Variants in FZD1 observed in about 807,000 individuals in gnomAD.
FZD1 encodes frizzled-1.
Under a neutral mutation model 48.0 loss-of-function variants are expected in FZD1, and 22 were observed. The ratio of observed to expected loss-of-function variants is 0.46; its 90% CI spans 0.33 to 0.65. The LOEUF (loss-of-function observed/expected upper bound fraction) is 0.65, where lower values mean the gene tolerates loss of function less well. FZD1 is among the 30% of genes least tolerant of loss of function. FZD1 has a pLI of 0.02. For synonymous variants in FZD1, 486 were observed against 409.6 expected, an observed-to-expected ratio of 1.19 and a Z score of -2.25; for missense variants, 843 against 898.1, an observed-to-expected ratio of 0.94 and a Z score of 0.78.
In FZD1 at chr7:91,265,144, A is replaced by ACCG. The variant is rs71292991; in HGVS notation, c.276_278dup (p.Pro93dup). On this transcript the variant is annotated inframe_insertion, in exon 1 of 1. Transcript: ENST00000287934. This position sits in a 1 kb window ranked among gnomAD's most constrained non-coding sequence, Gnocchi z 6.9. ...GCCAGGGGCCCGGGCCGGGGCAGCA[A>ACCG]CCGCCGCCGCCGCCTCAGCAGCAAC... is the stretch of plus-strand genomic sequence containing the variant. 0.4 allele frequency: 632,780 copies of ACCG among 1,564,206 alleles called. 125,334 individuals carry two copies. Among genetic ancestry groups the ACCG allele is most frequent in the Non-Finnish European group, 0.42 (482,084 of 1,147,344 alleles).
rs1393609613 is a variant in FZD1 at position 91,265,697 on chromosome 7, A to G, written c.817A>G (p.Lys273Glu). 4.4e-6 allele frequency: 7 copies of G among 1,597,558 alleles called. No individual in the cohort carries two copies. The Middle Eastern group carries it at 5.0e-4, about 113-fold the overall frequency. The change falls in exon 1 of 1, where the codon AAG (lysine) becomes GAG (glutamate). Residue 273 changes from lysine (K) to glutamate (E), a missense_variant. Lys to Glu is a moderately conservative substitution (Grantham distance 56). Transcript: ENST00000287934. The surrounding 1 kb of genome is among the most constrained non-coding windows in gnomAD (Gnocchi z 6.9). ...PGGAGASERGKFSCPRALKVP... is the reference protein window; with the variant it reads ...PGGAGASERGEFSCPRALKVP... ...GGGCGCCGGCGCGTCGGAGCGAGGC[A>G]AGTTCTCCTGCCCGCGCGCCCTCAA...
Position 91,268,554 on chromosome 7 carries a change from CTA to C in FZD1, c.*1732_*1733del, listed in dbSNP as rs1196514413. 2 of 167,000 alleles carry C rather than the reference CTA, an allele frequency of 1.2e-5. No individual in the cohort carries two copies. Among genetic ancestry groups the C allele is most frequent in the East Asian group, 1.9e-4 (1 of 5,188 alleles). 10.3% of individuals were successfully genotyped at this position (167,000 alleles called of 1,614,324 possible). ...GCCGGTACTTAGGACCTAAATTTATCTATGTCTGTCATACGCTAAAATGATAT... is the reference window on the plus strand; with the variant it reads ...GCCGGTACTTAGGACCTAAATTTATCTGTCTGTCATACGCTAAAATGATAT... On this transcript the variant is annotated 3_prime_UTR_variant, in exon 1 of 1. Transcript: ENST00000287934.
At position 91,265,712 on chromosome 7, in the gene FZD1, C is replaced by G. The variant is rs770834506; in HGVS notation, c.832C>G (p.Arg278Gly). 2.5e-6 allele frequency: 4 copies of G among 1,605,532 alleles called. No individual in the cohort carries two copies. ...ASERGKFSCP[R>G]ALKVPSYLNY... ...GGAGCGAGGCAAGTTCTCCTGCCCG[C>G]GCGCCCTCAAGGTGCCCTCCTACCT... is the stretch of plus-strand genomic sequence containing the variant. Residue 278 changes from arginine to glycine, a missense_variant, in exon 1 of 1, where the codon CGC (arginine) becomes GGC (glycine). Around this residue, in one of 2 missense-constraint regions of FZD1, gnomAD observed 490 missense variants for 466.5 expected, o/e 1.05. Transcript: ENST00000287934. The surrounding 1 kb of genome is among the most constrained non-coding windows in gnomAD (Gnocchi z 6.9).
rs1438296492 is a variant in FZD1, at chr7:91,269,019, T to G, written c.*2195T>G. ...CTCTAATTTTAATATTAAAGCTTTCTTTTCTTTCAGGGAATAAATTTACAT... is the reference window on the plus strand; with the variant it reads ...CTCTAATTTTAATATTAAAGCTTTCGTTTCTTTCAGGGAATAAATTTACAT... On this transcript the variant is annotated 3_prime_UTR_variant, in exon 1 of 1. Transcript: ENST00000287934. 1 of 166,448 alleles carries G rather than the reference T, an allele frequency of 6.0e-6. No homozygotes were observed. The highest frequency in any genetic ancestry group is 1.5e-5 in the Non-Finnish European group (1 of 68,098). The allele number at this position is 166,448 out of a possible 1,614,324, so 10.3% of individuals were successfully genotyped here.
rs767058121 is a variant in FZD1, at chr7:91,265,200, G to T, written c.320G>T (p.Gly107Val). 6.2e-7 allele frequency: 1 copy of T among 1,613,516 alleles called. No individual in the cohort carries two copies. Among genetic ancestry groups the T allele is most frequent in the Non-Finnish European group, 8.5e-7 (1 of 1,179,896 alleles). ...QSGQQYNGER[G>V]ISVPDHGYCQ... The stretch of plus-strand genomic sequence containing the variant: ...GGGCAGCAGTACAACGGCGAGCGGG[G>T]CATCTCCGTCCCGGACCACGGCTAT... Residue 107 changes from glycine (G) to valine (V), a missense_variant, in exon 1 of 1, where the codon GGC becomes GTC. By Grantham distance (109) the Gly-to-Val change is moderately radical (BLOSUM62 -3). Transcript: ENST00000287934. The surrounding 1 kb of genome is among the most constrained non-coding windows in gnomAD (Gnocchi z 6.9).
rs568342071 is a variant in FZD1 at position 91,269,561 on chromosome 7, A to C, written c.*2737A>C. On this transcript the variant is annotated 3_prime_UTR_variant, in exon 1 of 1. Coordinates refer to ENST00000287934, the MANE Select transcript of FZD1 (RefSeq NM_003505.2). ...CAAGGGACTAAAATGAAGATCATTG[A>C]TACAATAGAGTTACTTTCCTTGTTA... The C allele has an allele frequency of 3.6e-5, 6 of 167,022 alleles. No individual in the cohort carries two copies. Among genetic ancestry groups the C allele is most frequent in the Non-Finnish European group, 7.3e-5 (5 of 68,076 alleles). The allele number at this position is 167,022 out of a possible 1,614,324, so 10.3% of individuals were successfully genotyped here.
Position 91,264,483 on chromosome 7 carries a change from A to C in FZD1, c.-398A>C. On this transcript the variant is annotated 5_prime_UTR_variant, in exon 1 of 1. Transcript: ENST00000287934. ...AGAGGGAGCGAGTTGAGGGATTGAC[A>C]CAAATGGTCAGGCGGCGGCGGCGGA... 1 of 284,276 alleles carries C rather than the reference A, an allele frequency of 3.5e-6. No individual in the cohort carries two copies. The highest frequency in any genetic ancestry group is 6.5e-6 in the Non-Finnish European group (1 of 152,804). The allele number at this position is 284,276 out of a possible 1,614,324, so 17.6% of individuals were successfully genotyped here. A position where few individuals can be genotyped will look rare whatever the true frequency, so the allele number is the denominator to read the frequency against.
At position 91,266,396 on chromosome 7, in the gene FZD1, C is replaced by G. The variant is rs1470830128; in HGVS notation, c.1516C>G (p.Leu506Val). The stretch of plus-strand genomic sequence containing the variant: ...GTACCTGTTTATCGGCACGTCCTTT[C>G]TGCTGGCCGGCTTTGTGTCGCTCTT... Reference protein sequence around the residue: ...FVYLFIGTSFLLAGFVSLFRI... With the variant: ...FVYLFIGTSFVLAGFVSLFRI... The change falls in exon 1 of 1, where the codon CTG (leucine) becomes GTG (valine). Residue 506 changes from leucine (L) to valine (V), a missense_variant. By Grantham distance (32) the Leu-to-Val change is conservative (BLOSUM62 1). Transcript: ENST00000287934. The surrounding 1 kb of genome is among the most constrained non-coding windows in gnomAD (Gnocchi z 6.8). The G allele has an allele frequency of 6.2e-7, 1 of 1,614,178 alleles. No individual in the cohort carries two copies. Among genetic ancestry groups the G allele is most frequent in the Admixed American group, 1.7e-5 (1 of 60,032 alleles).
Position 91,265,336 on chromosome 7 carries a change from G to A in FZD1, c.456G>A (p.Gln152=), listed in dbSNP as rs1475101096. The A allele has an allele frequency of 2.5e-6, 4 of 1,614,022 alleles. No individual in the cohort carries two copies. In the African/African-American group the frequency reaches 4.0e-5, roughly 16 times the overall value. Residue 152 remains glutamine, a synonymous_variant, in exon 1 of 1, where the codon CAG becomes CAA. Transcript: ENST00000287934. This position sits in a 1 kb window ranked among gnomAD's most constrained non-coding sequence, Gnocchi z 6.9. ...NQEDAGLEVH[Q]FYPLVKVQCS... The stretch of plus-strand genomic sequence containing the variant: ...AGGACGCGGGCCTGGAGGTGCACCA[G>A]TTCTACCCTCTAGTGAAAGTGCAGT...
Position 91,266,898 on chromosome 7 carries a change from G to T in FZD1, c.*74G>T. On this transcript the variant is annotated 3_prime_UTR_variant, in exon 1 of 1. Coordinates refer to ENST00000287934, the MANE Select transcript of FZD1 (RefSeq NM_003505.2). This position sits in a 1 kb window ranked among gnomAD's most constrained non-coding sequence, Gnocchi z 6.8. ...CCCCAAAGCCAGCGCCGTGGAGTTC[G>T]TGCCAATCCTGACATCTCGAGGTTT... is the stretch of plus-strand genomic sequence containing the variant. 2 of 977,988 alleles carry T rather than the reference G, an allele frequency of 2.0e-6. No individual in the cohort carries two copies. Among genetic ancestry groups the T allele is most frequent in the Non-Finnish European group, 3.1e-6 (2 of 643,036 alleles). The allele number at this position is 977,988 out of a possible 1,614,324, so 60.6% of individuals were successfully genotyped here.
chr7:91,266,169 C>A lies in FZD1; in HGVS notation c.1289C>A (p.Ala430Glu), dbSNP rs1269473134. 6.2e-6 allele frequency: 10 copies of A among 1,614,132 alleles called. No individual in the cohort carries two copies. The highest frequency in any genetic ancestry group is 2.2e-5 in the East Asian group (1 of 44,868). The change falls in exon 1 of 1, where the codon GCG becomes GAG. Residue 430 changes from alanine (A) to glutamate (E), a missense_variant. Transcript: ENST00000287934. This position sits in a 1 kb window ranked among gnomAD's most constrained non-coding sequence, Gnocchi z 6.8. ...WVILSLTWFL[A>E]AGMKWGHEAI... ...ATCCTGTCGCTCACCTGGTTCCTGGCGGCTGGCATGAAGTGGGGCCACGAG... is the reference window on the plus strand; with the variant it reads ...ATCCTGTCGCTCACCTGGTTCCTGGAGGCTGGCATGAAGTGGGGCCACGAG...
At position 91,266,638 on chromosome 7, in the gene FZD1, G is replaced by A. The variant is rs751285089; in HGVS notation, c.1758G>A (p.Ala586=). ...CTATCCCCTGCCCTCACCTCCAGGC[G>A]GGCGGAGGCGCCCCGCCGCACCCGC... ...SYAIPCPHLQ[A]GGGAPPHPPM... The change falls in exon 1 of 1, where the codon GCG becomes GCA. Residue 586 remains alanine (A), a synonymous_variant. Coordinates refer to ENST00000287934, the MANE Select transcript of FZD1 (RefSeq NM_003505.2). The surrounding 1 kb of genome is among the most constrained non-coding windows in gnomAD (Gnocchi z 6.8). 1.2e-5 allele frequency: 20 copies of A among 1,612,538 alleles called. No homozygotes were observed. In the South Asian group the frequency reaches 1.8e-4, roughly 14 times the overall value.
At position 91,264,565 on chromosome 7, in the gene FZD1, T is replaced by C. The variant is rs1381274862; in HGVS notation, c.-316T>C. The C allele has an allele frequency of 5.6e-6, 2 of 356,734 alleles. No individual in the cohort carries two copies. Among genetic ancestry groups the C allele is most frequent in the Non-Finnish European group, 1.0e-5 (2 of 198,766 alleles). The allele number at this position is 356,734 out of a possible 1,614,324, so 22.1% of individuals were successfully genotyped here. Reference sequence around the variant, plus strand: ...CCCGCTGGGCTGCGGAGAGTTGCGCTCTCTACGGGGCCGCGGCCACTAGCG... The same window carrying C: ...CCCGCTGGGCTGCGGAGAGTTGCGCCCTCTACGGGGCCGCGGCCACTAGCG... On this transcript the variant is annotated 5_prime_UTR_variant, in exon 1 of 1. Transcript: ENST00000287934.
rs1803834025 is a variant in FZD1, at chr7:91,264,587, A to G, written c.-294A>G. 2.8e-6 allele frequency: 1 copy of G among 362,658 alleles called. No homozygotes were observed. Among genetic ancestry groups the G allele is most frequent in the Non-Finnish European group, 4.9e-6 (1 of 202,980 alleles). 22.5% of individuals were successfully genotyped at this position (362,658 alleles called of 1,614,324 possible). A position where few individuals can be genotyped will look rare whatever the true frequency, so the allele number is the denominator to read the frequency against. ...CGCTCTCTACGGGGCCGCGGCCACT[A>G]GCGCGGCGCCGCCAGCCGGGAGCCA... On this transcript the variant is annotated 5_prime_UTR_variant, in exon 1 of 1. The change abolishes the stop of an existing upstream ORF in the 5' untranslated region. Transcript: ENST00000287934.
At position 91,265,362 on chromosome 7, in the gene FZD1, G is replaced by A. The variant is rs1563007664; in HGVS notation, c.482G>A (p.Cys161Tyr). ...HQFYPLVKVQ[C>Y]SAELKFFLCS... ...TTCTACCCTCTAGTGAAAGTGCAGT[G>A]TTCCGCTGAGCTCAAGTTCTTCCTG... is the stretch of plus-strand genomic sequence containing the variant. The change falls in exon 1 of 1, where the codon TGT (cysteine) becomes TAT (tyrosine). Residue 161 changes from cysteine (C) to tyrosine (Y), a missense_variant. Cys to Tyr is a radical substitution (Grantham distance 194). Around this residue, in one of 2 missense-constraint regions of FZD1, gnomAD observed 490 missense variants for 466.5 expected, o/e 1.05. Coordinates refer to ENST00000287934, the MANE Select transcript of FZD1 (RefSeq NM_003505.2). The surrounding 1 kb of genome is among the most constrained non-coding windows in gnomAD (Gnocchi z 6.9). The A allele has an allele frequency of 6.2e-7, 1 of 1,614,108 alleles. No homozygotes were observed. The highest frequency in any genetic ancestry group is 8.5e-7 in the Non-Finnish European group (1 of 1,179,978).
chr7:91,266,936 ACT>A lies in FZD1; in HGVS notation c.*117_*118del, dbSNP rs1016334473. The A allele has an allele frequency of 5.6e-6, 4 of 712,770 alleles. No homozygotes were observed. Among genetic ancestry groups the A allele is most frequent in the Admixed American group, 2.6e-5 (1 of 39,096 alleles). The allele number at this position is 712,770 out of a possible 1,614,324, so 44.2% of individuals were successfully genotyped here. A position where few individuals can be genotyped will look rare whatever the true frequency, so the allele number is the denominator to read the frequency against. On this transcript the variant is annotated 3_prime_UTR_variant, in exon 1 of 1. Coordinates refer to ENST00000287934, the MANE Select transcript of FZD1 (RefSeq NM_003505.2). This position sits in a 1 kb window ranked among gnomAD's most constrained non-coding sequence, Gnocchi z 6.8. The stretch of plus-strand genomic sequence containing the variant: ...CATCTCGAGGTTTCCTCACTAGACA[ACT>A]CTCTTTCGCAGGCTCCTTTGAACAA...
In FZD1 at chr7:91,266,462, G is replaced by C. The variant is rs1009450887; in HGVS notation, c.1582G>C (p.Glu528Gln). Residue 528 changes from glutamate (E) to glutamine (Q), a missense_variant, in exon 1 of 1, where the codon GAG becomes CAG. Transcript: ENST00000287934. This position sits in a 1 kb window ranked among gnomAD's most constrained non-coding sequence, Gnocchi z 6.8. ...CATGAAGCACGATGGCACCAAGACCGAGAAGCTGGAGAAGCTCATGGTGCG... is the reference window on the plus strand; with the variant it reads ...CATGAAGCACGATGGCACCAAGACCCAGAAGCTGGAGAAGCTCATGGTGCG... ...TIMKHDGTKT[E>Q]KLEKLMVRIG... 9 of 1,614,008 alleles carry C rather than the reference G, an allele frequency of 5.6e-6. No individual in the cohort carries two copies. The African/African-American group carries it at 1.1e-4, about 19-fold the overall frequency.
Position 91,265,019 on chromosome 7 carries a change from G to T in FZD1, c.139G>T (p.Asp47Tyr). The stretch of plus-strand genomic sequence containing the variant: ...CGGTGGCCGCCGCCGCCCGCCAGTT[G>T]ACCCCCGGCGATTGGCGCGCCAGCT... ...DAGGRRRPPV[D>Y]PRRLARQLLL... is the part of the protein sequence containing the mutation. Residue 47 changes from aspartate to tyrosine, a missense_variant, in exon 1 of 1, where the codon GAC becomes TAC. Transcript: ENST00000287934. The surrounding 1 kb of genome is among the most constrained non-coding windows in gnomAD (Gnocchi z 6.9). 7.1e-7 allele frequency: 1 copy of T among 1,408,184 alleles called. No individual in the cohort carries two copies. The highest frequency in any genetic ancestry group is 9.2e-7 in the Non-Finnish European group (1 of 1,081,616). 87.2% of individuals were successfully genotyped at this position (1,408,184 alleles called of 1,614,324 possible). A position where few individuals can be genotyped will look rare whatever the true frequency, so the allele number is the denominator to read the frequency against.
In FZD1 at chr7:91,266,902, C is replaced by G; in HGVS notation, c.*78C>G. The G allele has an allele frequency of 1.1e-6, 1 of 901,100 alleles. No individual in the cohort carries two copies. Among genetic ancestry groups the G allele is most frequent in the Non-Finnish European group, 1.7e-6 (1 of 573,672 alleles). The allele number at this position is 901,100 out of a possible 1,614,324, so 55.8% of individuals were successfully genotyped here. Reference sequence around the variant, plus strand: ...AAAGCCAGCGCCGTGGAGTTCGTGCCAATCCTGACATCTCGAGGTTTCCTC... The same window carrying G: ...AAAGCCAGCGCCGTGGAGTTCGTGCGAATCCTGACATCTCGAGGTTTCCTC... On this transcript the variant is annotated 3_prime_UTR_variant, in exon 1 of 1. Transcript: ENST00000287934. The surrounding 1 kb of genome is among the most constrained non-coding windows in gnomAD (Gnocchi z 6.8).
Sources: gnomAD v4.1 joint callset for allele counts on GRCh38, gnomAD v4.1.1 for gene constraint, gnomAD v4.1.1 regional missense constraint, Gnocchi (gnomAD v3.1) non-coding constraint, MANE v1.5 for transcripts, NCBI Gene and HGNC (gene_info 2026-07-23, HGNC 2026-07-21) for gene names.